The following CSMD1 variants were observed in gnomAD, a reference collection of about 807,000 sequenced individuals.
CSMD1 encodes the protein CUB and sushi domain-containing protein 1.
In CSMD1, 213 loss-of-function variants were observed where a neutral mutation model predicts 417.5. The ratio of observed to expected loss-of-function variants is 0.51; its 90% confidence interval spans 0.46 to 0.57. The LOEUF is 0.57. Among genes scored for constraint, CSMD1 ranks in the 20% least tolerant of loss-of-function variants. The probability of loss-of-function intolerance (pLI) is 0.00; values close to 1 mark genes in which losing one functional copy is unlikely to be tolerated. For missense variants in CSMD1, 6,923 were observed against 4,529.7 expected (o/e 1.53, Z -15.17); for synonymous variants, 2,862 against 1,736.8 (o/e 1.65, Z -16.11).
chr8:4,341,399 T>G (rs1012661009), intron 3 of CSMD1, among the ~76,000 whole-genome samples: 1 of 152,138 alleles, frequency 6.6e-6, no homozygotes, highest in Non-Finnish European at 1.5e-5. Context: ...GAAGAAAGCC[T>G]TGAACTCAAA....
intron 3 of CSMD1, among the ~76,000 whole-genome samples, chr8:4,164,784 G>A (rs148391330): frequency 4.6e-5 from 7 of 151,948 alleles, no homozygotes; most frequent in African/African-American, 1.2e-4. Flanking sequence ...GCGGAGGCAG[G>A]AGAATGGCGT....
At chr8:4,506,795 T>A (rs1802548743) in intron 2 of CSMD1, among the ~76,000 whole-genome samples, 1 of 152,228 alleles carries the variant, frequency 6.6e-6, no homozygotes, top group South Asian at 2.1e-4. Context: ...GAGCCACCTC[T>A]AATTTACAGA....
intron 10 of CSMD1, among the ~76,000 whole-genome samples, chr8:3,497,947 T>G (rs1409141409): frequency 6.6e-6 from 1 of 152,224 alleles, no homozygotes; most frequent in African/African-American, 2.4e-5. Flanking sequence ...CACTTTCAGA[T>G]GAAGGGCTCC....
intron 10 of CSMD1, among the ~76,000 whole-genome samples, chr8:3,567,706 C>G (rs555279457): frequency 2.0e-5 from 3 of 152,242 alleles, no homozygotes. Flanking sequence ...GTTATTTCCC[C>G]TCTCTGAATT....
At chr8:4,771,188 G>A (rs941054245) in intron 1 of CSMD1, among the ~76,000 whole-genome samples, 2 of 152,180 alleles carry the variant, frequency 1.3e-5, no homozygotes, top group Non-Finnish European at 2.9e-5. Flanking sequence ...GCCCAGAAAT[G>A]GAGGCCGCTT....
chr8:4,437,185 G>A (rs1259568377), intron 2 of CSMD1, among the ~76,000 whole-genome samples: 4 of 152,148 alleles, frequency 2.6e-5, no homozygotes, highest in East Asian at 1.9e-4. Context: ...GCAAAACTTT[G>A]TTGTCTCAAC....
chr8:4,546,852 T>C (rs562195032), intron 2 of CSMD1, among the ~76,000 whole-genome samples: 7 of 152,100 alleles, frequency 4.6e-5, no homozygotes, highest in Admixed American at 2.6e-4. Flanking sequence ...CATATGCATA[T>C]ATATGTATAT....
At chr8:3,051,657 T>C (rs1271419803) in intron 50 of CSMD1, among the ~76,000 whole-genome samples, 1 of 152,256 alleles carries the variant, frequency 6.6e-6, no homozygotes, top group African/African-American at 2.4e-5. Context: ...ATACATGATA[T>C]ATTAAATGAA....
chr8:3,969,428 G>C (rs1443174068), intron 5 of CSMD1, among the ~76,000 whole-genome samples: 1 of 152,130 alleles, frequency 6.6e-6, no homozygotes, highest in Non-Finnish European at 1.5e-5. Context: ...CAGCAGCCTG[G>C]AGATGGGTGG....
rs563935556 is a variant in CSMD1 at position 3,750,089 on chromosome 8, C to T, written c.931+3841G>A. Among the ~76,000 whole-genome samples the T allele has an allele frequency of 4.6e-5, 7 of 152,160 alleles. No homozygotes were observed. The South Asian group carries it at 1.5e-3, about 32-fold the overall frequency. On this transcript the variant is annotated intron_variant, in intron 6 of 69. Coordinates refer to ENST00000635120, the MANE Select transcript of CSMD1 (RefSeq NM_033225.6). ...AATTTCAAGCTGTTTGTTTTAGTTG[C>T]TTTGGGCTGGGGAGGCATTGAATAT...
chr8:3,985,097 G>T (rs1190073198), intron 5 of CSMD1, among the ~76,000 whole-genome samples: 1 of 151,882 alleles, frequency 6.6e-6, no homozygotes, highest in Non-Finnish European at 1.5e-5. Context: ...TACTTAGGGG[G>T]GACTTGTCAT....
chr8:3,628,580 G>A (rs1796607416), intron 7 of CSMD1, among the ~76,000 whole-genome samples: 2 of 152,198 alleles, frequency 1.3e-5, no homozygotes, highest in South Asian at 4.1e-4. Flanking sequence ...GCAGCCACTG[G>A]GCATCATGGC....
chr8:4,129,387 C>G (rs1386489386), intron 3 of CSMD1, among the ~76,000 whole-genome samples: 2 of 152,134 alleles, frequency 1.3e-5, no homozygotes, highest in Non-Finnish European at 2.9e-5. Context: ...CCTCCACCCC[C>G]AACACACCAT....
chr8:3,266,865 C>T (rs765100448), intron 26 of CSMD1, among the ~76,000 whole-genome samples: 8 of 151,228 alleles, frequency 5.3e-5, no homozygotes, highest in Non-Finnish European at 1.2e-4. Flanking sequence ...GCAGTAATCA[C>T]AGAGTGATGA....
At chr8:4,951,878 G>C (rs1296063445) in intron 1 of CSMD1, among the ~76,000 whole-genome samples, 1 of 151,312 alleles carries the variant, frequency 6.6e-6, no homozygotes, top group Non-Finnish European at 1.5e-5. Flanking sequence ...CATATACAAT[G>C]AGCTATAAAA....
chr8:3,948,479 T>C (rs1811385963), intron 5 of CSMD1, among the ~76,000 whole-genome samples: 1 of 152,104 alleles, frequency 6.6e-6, no homozygotes, highest in Non-Finnish European at 1.5e-5. Flanking sequence ...AGGGAAATTT[T>C]CTCCAGAAGT....
At chr8:4,342,219 G>A (rs548637527) in intron 3 of CSMD1, among the ~76,000 whole-genome samples, 1 of 11,500 alleles carries the variant, frequency 8.7e-5, no homozygotes, top group African/African-American at 4.4e-4. Flanking sequence ...GTGTGTGTGT[G>A]TGTGTGTGTG....
chr8:4,924,252 T>G (rs1478856729), intron 1 of CSMD1, among the ~76,000 whole-genome samples: 1 of 152,224 alleles, frequency 6.6e-6, no homozygotes, highest in Admixed American at 6.5e-5. Flanking sequence ...GTGACCATGA[T>G]AAAGTTGTAA....
chr8:4,958,840 G>T (rs1490834591), intron 1 of CSMD1, among the ~76,000 whole-genome samples: 1 of 152,102 alleles, frequency 6.6e-6, no homozygotes, highest in African/African-American at 2.4e-5. Flanking sequence ...TCTAAAAAAT[G>T]CATGTCCTTT....
Sources: allele counts gnomAD v4.1 joint callset (sites outside exome capture counted in the v4.1 genomes callset), GRCh38; gene constraint gnomAD v4.1.1; transcripts MANE v1.5; gene names NCBI Gene and HGNC (gene_info 2026-07-23, HGNC 2026-07-21).